Variants in CFAP45 observed in about 807,000 individuals in gnomAD.
CFAP45 encodes cilia- and flagella-associated protein 45.
In CFAP45, 43 loss-of-function variants were observed where a neutral mutation model predicts 75.6. The ratio of observed to expected loss-of-function variants is 0.57; its 90% CI spans 0.45 to 0.73. The LOEUF is 0.73. Ranked by LOEUF, CFAP45 falls within the 30% of genes least tolerant of loss-of-function variation. The probability of loss-of-function intolerance (pLI) is 0.00; values close to 1 mark genes in which losing one functional copy is unlikely to be tolerated. For missense variants in CFAP45, 689 were observed against 701.5 expected (o/e 0.98, Z 0.20); for synonymous variants, 223 against 244.6 (o/e 0.91, Z 0.82).
Position 159,886,553 on chromosome 1 carries a change from C to T in CFAP45, c.725G>A (p.Arg242Lys). 4 of 1,614,168 alleles carry T rather than the reference C, an allele frequency of 2.5e-6. No homozygotes were observed. Residue 242 changes from arginine (R) to lysine (K), a missense_variant, in exon 6 of 12, where the codon AGG becomes AAG. By Grantham distance (26) the Arg-to-Lys change is conservative. Transcript: ENST00000368099. ...MEVERQKSIQRQEELERKRRE... is the reference protein window; with the variant it reads ...MEVERQKSIQKQEELERKRRE... The stretch of plus-strand genomic sequence containing the variant: ...CCTCTTCCTCTCCAGTTCCTCCTGC[C>T]TTTGAATGGATTTCTGCCGCTCCAC...
chr1:159,880,453 T>C, intron 8 of CFAP45, 101 bp downstream of exon 8: 1 of 1,018,448 alleles, frequency 9.8e-7, no homozygotes, highest in Non-Finnish European at 1.5e-6. Flanking sequence ...AGAATGAAGG[T>C]GCGGCTGCCT....
At chr1:159,873,399 T>C (rs538184098) in intron 10 of CFAP45, 65 of 579,532 alleles carry the variant, frequency 1.1e-4, no homozygotes, top group African/African-American at 1.0e-3. Context: ...CATGACTGTA[T>C]GTCATGGGCA....
chr1:159,898,279 C>T (rs1236631047), intron 1 of CFAP45: 11 of 964,860 alleles, frequency 1.1e-5, no homozygotes, highest in Non-Finnish European at 1.4e-5. Context: ...CTGTAGGATG[C>T]CACCAGAAGA....
At chr1:159,882,216 C>T (rs188151495) in intron 7 of CFAP45, among the ~76,000 whole-genome samples, 29 of 152,190 alleles carry the variant, frequency 1.9e-4, no homozygotes, top group African/African-American at 6.5e-4. Flanking sequence ...CCTTTCTGCC[C>T]CTCCAACTCT....
chr1:159,891,863 G>T (rs1649837661), intron 2 of CFAP45, among the ~76,000 whole-genome samples: 1 of 152,186 alleles, frequency 6.6e-6, no homozygotes, highest in Admixed American at 6.5e-5. Context: ...GCATTTTTCT[G>T]ATAGCCCCCT....
chr1:159,887,770 G>T (rs1351603860), intron 5 of CFAP45, 71 bp downstream of exon 5: 4 of 1,313,584 alleles, frequency 3.0e-6, no homozygotes, highest in South Asian at 1.3e-5. Context: ...GCCTTGTCCA[G>T]TGCGGGAATA....
chr1:159,872,913 G>A (rs533900133), intron 11 of CFAP45, 31 bp downstream of exon 11: 46 of 1,597,174 alleles, frequency 2.9e-5, no homozygotes, highest in Non-Finnish European at 3.7e-5. Flanking sequence ...GGAGGGAAGA[G>A]GATTTGGGAA....
In CFAP45 at chr1:159,880,640, C is replaced by G; in HGVS notation, c.958G>C (p.Asp320His). The change falls in exon 8 of 12, where the codon GAT becomes CAT. Residue 320 changes from aspartate (D) to histidine (H), a missense_variant. By Grantham distance (81) the Asp-to-His change is moderately conservative. Transcript: ENST00000368099. ...KMQAEIKRIN[D>H]ENQKQKAELL... ...TCTGCTTTCTGTTTCTGGTTTTCAT[C>G]ATTGATGCGCTTAATCTCAGCTTGC... 6.2e-7 allele frequency: 1 copy of G among 1,614,014 alleles called. No homozygotes were observed. The highest frequency in any genetic ancestry group is 8.5e-7 in the Non-Finnish European group (1 of 1,179,948).
intron 6 of CFAP45, among the ~76,000 whole-genome samples, chr1:159,885,778 C>T (rs947374597): frequency 6.6e-6 from 1 of 151,538 alleles, no homozygotes; most frequent in Admixed American, 6.6e-5. Flanking sequence ...GTGATGGGCA[C>T]AGAGAAGGGA....
At chr1:159,881,338 A>G (rs1031357818) in intron 7 of CFAP45, among the ~76,000 whole-genome samples, 1 of 152,234 alleles carries the variant, frequency 6.6e-6, no homozygotes, top group African/African-American at 2.4e-5. Context: ...TTAAAGTATC[A>G]ACCTTCTCTG....
At chr1:159,890,329 G>A in intron 3 of CFAP45, 151 bp downstream of exon 3, 1 of 721,824 alleles carries the variant, frequency 1.4e-6, no homozygotes, top group Non-Finnish European at 2.4e-6. Context: ...AAGAAAGAAA[G>A]AACTATCAAA....
rs966876018 is a variant in CFAP45, at chr1:159,888,005, C to G, written c.424G>C (p.Val142Leu). 2.5e-6 allele frequency: 4 copies of G among 1,614,138 alleles called. No homozygotes were observed. Among genetic ancestry groups the G allele is most frequent in the South Asian group, 2.2e-5 (2 of 91,082 alleles). ...TTCATGATCTTCTTTCGTGTCATCACTGCATCCTAAGGGAGACCAGTCTGG... is the reference window on the plus strand; with the variant it reads ...TTCATGATCTTCTTTCGTGTCATCAGTGCATCCTAAGGGAGACCAGTCTGG... ...KKEKEATMDA[V>L]MTRKKIMKQK... is the part of the protein sequence containing the mutation. Residue 142 changes from valine (V) to leucine (L), a missense_variant, in exon 5 of 12, where the codon GTG becomes CTG. By Grantham distance (32) the Val-to-Leu change is conservative. Coordinates refer to ENST00000368099, the MANE Select transcript of CFAP45 (RefSeq NM_012337.3).
At chr1:159,873,250 G>T in intron 10 of CFAP45, 82 bp from the exon 11 acceptor site, 2 of 1,156,628 alleles carry the variant, frequency 1.7e-6, no homozygotes, top group Non-Finnish European at 2.5e-6. Context: ...CTCCTGGGTG[G>T]GCTCCTTCAG....
intron 2 of CFAP45, 135 bp from the exon 3 acceptor site, chr1:159,890,757 C>CTTTTCT (rs1553222770): frequency 2.5e-5 from 8 of 319,390 alleles, no homozygotes; most frequent in Admixed American, 6.2e-5. Context: ...CTTTTCTTTT[C>CTTTTCT]TTTTTTTTTT....
intron 1 of CFAP45, chr1:159,898,302 C>T (rs1368306001): frequency 1.3e-6 from 1 of 795,702 alleles, no homozygotes; most frequent in Non-Finnish European, 1.5e-6. Context: ...ACATCCTAGT[C>T]AGTACTGAGG....
At chr1:159,878,959 C>T (rs1649481802) in intron 8 of CFAP45, among the ~76,000 whole-genome samples, 1 of 151,890 alleles carries the variant, frequency 6.6e-6, no homozygotes, top group African/African-American at 2.4e-5. Flanking sequence ...GCAGGGGCAG[C>T]CCTGGCTGCA....
chr1:159,874,682 C>G (rs918145195), intron 10 of CFAP45, among the ~76,000 whole-genome samples: 6 of 152,182 alleles, frequency 3.9e-5, no homozygotes, highest in African/African-American at 9.7e-5. Flanking sequence ...TGAGGATGAA[C>G]CTGGTCGTTC....
At chr1:159,889,661 G>A (rs1018858392) in intron 3 of CFAP45, among the ~76,000 whole-genome samples, 2 of 152,258 alleles carry the variant, frequency 1.3e-5, no homozygotes, top group Non-Finnish European at 2.9e-5. Context: ...TCTGGCTCCA[G>A]GAGTGGCTGC....
intron 8 of CFAP45, among the ~76,000 whole-genome samples, chr1:159,878,418 G>A (rs181222780): frequency 2.2e-4 from 34 of 152,166 alleles, no homozygotes; most frequent in Middle Eastern, 3.4e-3. Flanking sequence ...TTGAGCAATC[G>A]TAAGATGAAT....
Sources: allele counts gnomAD v4.1 joint callset (sites outside exome capture counted in the v4.1 genomes callset), GRCh38; gene constraint gnomAD v4.1.1; transcripts MANE v1.5; gene names NCBI Gene and HGNC (gene_info 2026-07-23, HGNC 2026-07-21).